Variants in PPP3CC observed in about 807,000 individuals in gnomAD.
PPP3CC encodes serine/threonine-protein phosphatase 2B catalytic subunit gamma isoform.
PPP3CC carries 35 observed loss-of-function variants against 60.3 expected under a neutral mutation model. The ratio of observed to expected loss-of-function variants is 0.58; its 90% CI spans 0.44 to 0.77. The LOEUF (loss-of-function observed/expected upper bound fraction) is 0.77, where lower values mean the gene tolerates loss of function less well. PPP3CC is among the 30% of genes least tolerant of loss of function. PPP3CC has a pLI of 0.00. For synonymous variants in PPP3CC, 206 were observed against 224.3 expected (o/e 0.92, Z 0.73); for missense variants, 570 against 628.9 (o/e 0.91, Z 1.00).
chr8:22,529,018 C>A (rs1476306139), intron 10 of PPP3CC, among the ~76,000 whole-genome samples: 1 of 152,178 alleles, frequency 6.6e-6, no homozygotes, highest in East Asian at 1.9e-4. Context: ...TGTGCACATT[C>A]TCTTAACCAA....
At position 22,533,027 on chromosome 8, in the gene PPP3CC, G is replaced by A; in HGVS notation, c.1321+9G>A. On this transcript the variant is annotated intron_variant, in intron 12 of 13. Coordinates refer to ENST00000240139, the MANE Select transcript of PPP3CC (RefSeq NM_005605.5). ...GCAGACTATCGAGACAGGTGAGTAT[G>A]AGAGTGCTCCTCCATGGAAGGTGTG... 6.4e-7 allele frequency: 1 copy of A among 1,564,510 alleles called. No individual in the cohort carries two copies. The highest frequency in any genetic ancestry group is 1.8e-5 in the Admixed American group (1 of 55,476).
intron 6 of PPP3CC, among the ~76,000 whole-genome samples, chr8:22,518,861 AT>A (rs1412128214): frequency 1.5e-4 from 23 of 151,982 alleles, no homozygotes; most frequent in African/African-American, 5.3e-4. Context: ...TAATTTTTGT[AT>A]TTTTAGTAGA....
At chr8:22,525,491 C>CTTCTTTCTTTCT (rs199717558) in intron 8 of PPP3CC, among the ~76,000 whole-genome samples, 4,238 of 128,558 alleles carry the variant, frequency 0.033, 107 homozygotes, top group Admixed American at 0.055. Context: ...GCTTCCTTTT[C>CTTCTTTCTTTCT]TTCTTTCTTT....
chr8:22,473,502 C>T (rs1213692527), intron 1 of PPP3CC, among the ~76,000 whole-genome samples: 3 of 148,400 alleles, frequency 2.0e-5, no homozygotes, highest in Non-Finnish European at 3.0e-5. Context: ...CTTGCTCTGT[C>T]GCCCAGGCTG....
At chr8:22,460,983 CT>C (rs1207639024) in intron 1 of PPP3CC, among the ~76,000 whole-genome samples, 1 of 152,008 alleles carries the variant, frequency 6.6e-6, no homozygotes. Context: ...GTAGCTGGAA[CT>C]ACAGGTGTCT....
chr8:22,525,930 C>A (rs999214938), intron 8 of PPP3CC, among the ~76,000 whole-genome samples: 4 of 149,186 alleles, frequency 2.7e-5, no homozygotes, highest in African/African-American at 9.9e-5. Context: ...TGCAGTGGTG[C>A]GGTCTTGGCT....
intron 6 of PPP3CC, among the ~76,000 whole-genome samples, chr8:22,519,190 T>C (rs1291367127): frequency 6.6e-6 from 1 of 152,242 alleles, no homozygotes; most frequent in Non-Finnish European, 1.5e-5. Context: ...GATAAAAGTT[T>C]AGCCACTCAT....
chr8:22,457,107 C>A (rs1011981952), intron 1 of PPP3CC, among the ~76,000 whole-genome samples: 3 of 144,280 alleles, frequency 2.1e-5, no homozygotes, highest in African/African-American at 7.7e-5. Flanking sequence ...CCTTCCCCCT[C>A]CATCCCTTCC....
At chr8:22,468,223 C>G (rs990245950) in intron 1 of PPP3CC, among the ~76,000 whole-genome samples, 3 of 152,170 alleles carry the variant, frequency 2.0e-5, no homozygotes, top group African/African-American at 7.2e-5. Context: ...CCTGTCTCAG[C>G]CTCCCGAGTA....
intron 1 of PPP3CC, among the ~76,000 whole-genome samples, chr8:22,449,670 T>C (rs1168634656): frequency 1.3e-5 from 2 of 151,628 alleles, no homozygotes; most frequent in Non-Finnish European, 2.9e-5. Context: ...TAGAAAAACA[T>C]ACAGAAGTCA....
intron 1 of PPP3CC, among the ~76,000 whole-genome samples, chr8:22,452,646 A>G (rs995469071): frequency 6.6e-6 from 1 of 152,202 alleles, no homozygotes; most frequent in African/African-American, 2.4e-5. Context: ...AGCATGTGCT[A>G]CTATGCCCAG....
At chr8:22,476,036 C>CTTTTTGTA (rs947313113) in intron 3 of PPP3CC, among the ~76,000 whole-genome samples, 4 of 152,102 alleles carry the variant, frequency 2.6e-5, no homozygotes, top group Non-Finnish European at 5.9e-5. Flanking sequence ...AAACACTAAG[C>CTTTTTGTA]TTTTTGTAGG....
At chr8:22,528,387 A>G (rs1222762176) in intron 9 of PPP3CC, 119 bp from the exon 10 acceptor site, 9 of 500,048 alleles carry the variant, frequency 1.8e-5, no homozygotes, top group Non-Finnish European at 3.0e-5. Context: ...TTACTAACAT[A>G]ATGATAAATA....
chr8:22,448,198 A>G (rs934580364), intron 1 of PPP3CC, among the ~76,000 whole-genome samples: 4 of 152,184 alleles, frequency 2.6e-5, no homozygotes, highest in African/African-American at 9.7e-5. Flanking sequence ...AAAGTGGTGA[A>G]AACGAAACGA....
In PPP3CC at chr8:22,522,525, A is replaced by G. The variant is rs1290484802; in HGVS notation, c.805A>G (p.Asn269Asp). 2 of 1,612,362 alleles carry G rather than the reference A, an allele frequency of 1.2e-6. No individual in the cohort carries two copies. Among genetic ancestry groups the G allele is most frequent in the Non-Finnish European group, 1.7e-6 (2 of 1,179,304 alleles). ...AGTTTGTGAATTTTTGCAGAACAAT[A>G]ATTTACTATCAATTATCAGAGCCCA... The part of the protein sequence containing the change: ...PAVCEFLQNN[N>D]LLSIIRAHEA... Residue 269 changes from asparagine to aspartate, a missense_variant, in exon 7 of 14, where the codon AAT becomes GAT. Asn to Asp is a conservative substitution (Grantham distance 23). Coordinates refer to ENST00000240139, the MANE Select transcript of PPP3CC (RefSeq NM_005605.5).
At chr8:22,499,211 G>A (rs1223531346) in intron 4 of PPP3CC, among the ~76,000 whole-genome samples, 6 of 150,034 alleles carry the variant, frequency 4.0e-5, no homozygotes, top group African/African-American at 1.2e-4. Context: ...AGGCCGAGGC[G>A]GGTGGATCAT....
At chr8:22,506,090 C>G (rs1380368785) in intron 4 of PPP3CC, among the ~76,000 whole-genome samples, 1 of 151,756 alleles carries the variant, frequency 6.6e-6, no homozygotes, top group Non-Finnish European at 1.5e-5. Context: ...GTCTCAGTGT[C>G]TGTTGTTCTG....
intron 10 of PPP3CC, chr8:22,531,188 TC>T (rs747768151): frequency 4.2e-5 from 41 of 981,710 alleles, no homozygotes; most frequent in Non-Finnish European, 6.2e-5. Flanking sequence ...ATAGCCTGTT[TC>T]TCTCATTGCA....
intron 3 of PPP3CC, among the ~76,000 whole-genome samples, chr8:22,486,732 GT>G (rs35858964): frequency 0.068 from 9,155 of 134,050 alleles, 853 homozygotes; most frequent in African/African-American, 0.23. Flanking sequence ...TTTTTGTTTT[GT>G]TTTTTTTTTT....
Sources: allele counts gnomAD v4.1 joint callset (sites outside exome capture counted in the v4.1 genomes callset), GRCh38; gene constraint gnomAD v4.1.1; transcripts MANE v1.5; gene names NCBI Gene and HGNC (gene_info 2026-07-23, HGNC 2026-07-21).